Variants in BBS9 observed in about 807,000 individuals in gnomAD.
BBS9 encodes the protein Bardet-Biedl syndrome 9, also known as protein PTHB1.
A neutral mutation model predicts 117.7 loss-of-function variants in BBS9; 89 were observed. The ratio of observed to expected loss-of-function variants is 0.76; its 90% CI spans 0.64 to 0.90. BBS9 has a LOEUF of 0.90. BBS9 is among the 40% of genes least tolerant of loss of function. The pLI is 0.00. For missense variants in BBS9, 982 were observed against 1,042.2 expected, an observed-to-expected ratio of 0.94 and a Z score of 0.80; for synonymous variants, 379 against 370.9, an observed-to-expected ratio of 1.02 and a Z score of -0.25.
At chr7:33,364,371 T>G (rs1305098967) in intron 16 of BBS9, among the ~76,000 whole-genome samples, 1 of 152,114 alleles carries the variant, frequency 6.6e-6, no homozygotes, top group Non-Finnish European at 1.5e-5. Context: ...TTTTACTCCA[T>G]CCCCCCACAT....
At chr7:33,531,143 G>A (rs1044924546) in intron 20 of BBS9, among the ~76,000 whole-genome samples, 1 of 152,196 alleles carries the variant, frequency 6.6e-6, no homozygotes, top group Non-Finnish European at 1.5e-5. Context: ...TACTCAGGAG[G>A]CTGAGACAGG....
At chr7:33,203,099 G>A (rs1293461032) in intron 5 of BBS9, among the ~76,000 whole-genome samples, 3 of 152,138 alleles carry the variant, frequency 2.0e-5, no homozygotes, top group South Asian at 2.1e-4. Context: ...TACTCTGTGG[G>A]CCCACATCTT....
chr7:33,378,505 C>G (rs1824320534), intron 17 of BBS9, among the ~76,000 whole-genome samples: 2 of 152,136 alleles, frequency 1.3e-5, no homozygotes, highest in African/African-American at 2.4e-5. Flanking sequence ...AGTCTTTGCC[C>G]AATATGGGGG....
downstream of BBS9, among the ~76,000 whole-genome samples, chr7:33,608,139 TGTG>T (rs1333078556): frequency 6.6e-6 from 1 of 152,048 alleles, no homozygotes; most frequent in African/African-American, 2.4e-5. Context: ...AGTGAGAACA[TGTG>T]GTATTTGGTT....
chr7:33,346,732 A>C (rs146057581), intron 12 of BBS9, among the ~76,000 whole-genome samples: 141 of 152,332 alleles, frequency 9.3e-4, no homozygotes, highest in African/African-American at 3.2e-3. Flanking sequence ...AACCAAATGC[A>C]AACCCTTCTT....
chr7:33,585,952 A>G (rs1033369591), intron 21 of BBS9, among the ~76,000 whole-genome samples: 2 of 152,126 alleles, frequency 1.3e-5, no homozygotes, highest in African/African-American at 4.8e-5. Context: ...ACCTTGGGTC[A>G]GTAAATCTTT....
rs1324062927 is a variant in BBS9, at chr7:33,550,278, A to T, written c.2521+16102A>T. Among the ~76,000 whole-genome samples, 2 of 151,838 alleles carry T rather than the reference A, an allele frequency of 1.3e-5. 1 individual carries two copies. The highest frequency in any genetic ancestry group is 1.3e-4 in the Admixed American group (2 of 15,230). The stretch of plus-strand genomic sequence containing the variant: ...AATTTGTGAATATTATTAAAGTTTT[A>T]TTTTTTTTGTATTTTCCTTTAGATT... On this transcript the variant is annotated intron_variant, in intron 21 of 22. Transcript: ENST00000242067.
At chr7:33,583,783 G>T (rs1053926813) in intron 21 of BBS9, among the ~76,000 whole-genome samples, 13 of 152,004 alleles carry the variant, frequency 8.6e-5, no homozygotes, top group Non-Finnish European at 1.3e-4. Flanking sequence ...TCATAGCTTC[G>T]CACTAACTAG....
At position 33,357,861 on chromosome 7, in the gene BBS9, C is replaced by T. The variant is rs769669385; in HGVS notation, c.1559C>T (p.Pro520Leu). The change falls in exon 16 of 23, where the codon CCG becomes CTG. Residue 520 changes from proline to leucine, a missense_variant. Pro to Leu is a moderately conservative substitution (Grantham distance 98). Transcript: ENST00000242067. The stretch of plus-strand genomic sequence containing the variant: ...TATCTCTCTTTTATTTTAGGCATTC[C>T]GCGAGTTATCCAATGTAAATTTAGA... ...RPTDRNPDGI[P>L]RVIQCKFRLP... is the part of the protein sequence containing the mutation. 5.6e-5 allele frequency: 91 copies of T among 1,611,440 alleles called. No individual in the cohort carries two copies. In the Admixed American group the frequency reaches 7.3e-4, roughly 13 times the overall value.
At chr7:33,281,525 C>A (rs534719897) in intron 9 of BBS9, among the ~76,000 whole-genome samples, 1 of 151,838 alleles carries the variant, frequency 6.6e-6, no homozygotes, top group African/African-American at 2.4e-5. Flanking sequence ...AGGCATGTGT[C>A]ACCACACTCA....
intron 21 of BBS9, among the ~76,000 whole-genome samples, chr7:33,590,460 T>TTTTTTTGTTTTTTTG (rs775289370): frequency 2.4e-4 from 18 of 73,704 alleles, no homozygotes; most frequent in African/African-American, 1.4e-3. Flanking sequence ...TGTTTTTTTG[T>TTTTTTTGTTTTTTTG]TTTTTTTTTT....
intron 1 of BBS9, among the ~76,000 whole-genome samples, chr7:33,135,144 G>C (rs960059384): frequency 6.6e-6 from 1 of 152,114 alleles, no homozygotes; most frequent in African/African-American, 2.4e-5. Flanking sequence ...CTCCTGCCTT[G>C]GCCTCTCAAA....
chr7:33,425,434 A>G (rs1161314140), intron 19 of BBS9, among the ~76,000 whole-genome samples: 1 of 152,126 alleles, frequency 6.6e-6, no homozygotes, highest in Non-Finnish European at 1.5e-5. Flanking sequence ...GGTTTGCTGC[A>G]CTTATCAGCC....
At chr7:33,291,460 C>G (rs544642315) in intron 9 of BBS9, among the ~76,000 whole-genome samples, 1 of 152,084 alleles carries the variant, frequency 6.6e-6, no homozygotes, top group Non-Finnish European at 1.5e-5. Context: ...ACATATCTTT[C>G]TTTCAGCTTG....
At position 33,388,059 on chromosome 7, in the gene BBS9, A is replaced by G. The variant is rs1826349618; in HGVS notation, c.2030A>G (p.Gln677Arg). 6.2e-7 allele frequency: 1 copy of G among 1,614,078 alleles called. No individual in the cohort carries two copies. Among genetic ancestry groups the G allele is most frequent in the South Asian group, 1.1e-5 (1 of 91,086 alleles). Residue 677 changes from glutamine (Q) to arginine (R), a missense_variant, in exon 19 of 23, where the codon CAA becomes CGA. Transcript: ENST00000242067. ...AGAGCTGTACAATTTCGGGCCATTC[A>G]ACGCCGGCTACTAGCAAGATTCAAA... ...SERAVQFRAI[Q>R]RRLLARFKDK...
chr7:33,152,918 T>C (rs1793571647), intron 3 of BBS9, 67 bp downstream of exon 3: 1 of 1,526,212 alleles, frequency 6.6e-7, no homozygotes, highest in African/African-American at 1.4e-5. Context: ...GTCACTTTTG[T>C]GTATTCTTCA....
intron 9 of BBS9, among the ~76,000 whole-genome samples, chr7:33,302,808 C>A (rs542502271): frequency 5.9e-5 from 9 of 152,144 alleles, no homozygotes; most frequent in Admixed American, 2.6e-4. Flanking sequence ...TTTTCCATTT[C>A]TGTGAAGAAT....
chr7:33,607,461 TACA>T (rs1415738210), downstream of BBS9, among the ~76,000 whole-genome samples: 1 of 152,098 alleles, frequency 6.6e-6, no homozygotes, highest in African/African-American at 2.4e-5. Flanking sequence ...AAAATTCTAA[TACA>T]ACATTAGTTA....
rs559851610 is a variant in BBS9 at position 33,575,885 on chromosome 7, A to G, written c.2522-28980A>G. ...TCATGCTAAAAACTCTCAATAAACT[A>G]GGTATTGATGGAACATATCTCAAAA... On this transcript the variant is annotated intron_variant, in intron 21 of 22. Transcript: ENST00000242067. Among the ~76,000 whole-genome samples, 306 of 152,310 alleles carry G rather than the reference A, an allele frequency of 2.0e-3. 1 individual carries two copies. The highest frequency in any genetic ancestry group is 7.1e-3 in the African/African-American group (295 of 41,574).
Sources: allele counts gnomAD v4.1 joint callset (sites outside exome capture counted in the v4.1 genomes callset), GRCh38; gene constraint gnomAD v4.1.1; transcripts MANE v1.5; gene names NCBI Gene and HGNC (gene_info 2026-07-23, HGNC 2026-07-21).